The following KIF9 variants were observed in gnomAD, a reference collection of about 807,000 sequenced individuals.
KIF9 encodes the protein kinesin-like protein KIF9.
In KIF9, 68 loss-of-function variants were observed where a neutral mutation model predicts 94.8. The ratio of observed to expected loss-of-function variants is 0.72; its 90% CI spans 0.59 to 0.88. The LOEUF (loss-of-function observed/expected upper bound fraction) is 0.88, where lower values mean the gene tolerates loss of function less well. Ranked by LOEUF, KIF9 falls within the 40% of genes least tolerant of loss-of-function variation. The pLI, the probability that KIF9 is intolerant of heterozygous loss-of-function variation, is 0.00. For missense variants in KIF9, 882 were observed against 982.5 expected (o/e 0.90, Z 1.37); for synonymous variants, 343 against 362.1 (o/e 0.95, Z 0.60).
At chr3:47,250,108 A>AT (rs60741769) in intron 10 of KIF9, among the ~76,000 whole-genome samples, 145,311 of 151,770 alleles carry the variant, frequency 0.96, 69,893 homozygotes, top group East Asian at 1. Context: ...AAAATCTCTA[A>AT]TTTTTTTTCA....
chr3:47,228,327 G>A lies in KIF9; in HGVS notation c.*325C>T. ...GCCTTCCTACTTGAGACTCAGTTCTGACCTCACACATACATAGAGAATATG... is the reference window on the plus strand; with the variant it reads ...GCCTTCCTACTTGAGACTCAGTTCTAACCTCACACATACATAGAGAATATG... On this transcript the variant is annotated 3_prime_UTR_variant, in exon 21 of 21. Coordinates refer to ENST00000684063, the MANE Select transcript of KIF9 (RefSeq NM_182902.4). 4.1e-6 allele frequency: 1 copy of A among 242,070 alleles called. No individual in the cohort carries two copies. Among genetic ancestry groups the A allele is most frequent in the South Asian group, 6.5e-5 (1 of 15,494 alleles). 15.0% of individuals were successfully genotyped at this position (242,070 alleles called of 1,614,324 possible). A position where few individuals can be genotyped will look rare whatever the true frequency, so the allele number is the denominator to read the frequency against.
chr3:47,233,921 C>G (rs1205976834), intron 20 of KIF9, among the ~76,000 whole-genome samples: 1 of 152,024 alleles, frequency 6.6e-6, no homozygotes, highest in Non-Finnish European at 1.5e-5. Flanking sequence ...GAAACCCCAT[C>G]TCTACTAAAA....
At chr3:47,273,848 A>T (rs1701799286) in intron 3 of KIF9, among the ~76,000 whole-genome samples, 190 bp from the exon 4 acceptor site, 2 of 152,232 alleles carry the variant, frequency 1.3e-5, no homozygotes, top group South Asian at 2.1e-4. Context: ...AAGTGGTCAA[A>T]ACAAGGACAT....
chr3:47,264,213 C>A (rs1701151861), intron 9 of KIF9, 73 bp downstream of exon 9: 3 of 1,170,664 alleles, frequency 2.6e-6, no homozygotes. Flanking sequence ...GGGTAGCCAG[C>A]CTGGAGCCTT....
chr3:47,278,183 T>C (rs1448985680), intron 1 of KIF9, among the ~76,000 whole-genome samples: 2 of 152,188 alleles, frequency 1.3e-5, no homozygotes, highest in East Asian at 3.9e-4. Context: ...GTGATCCTCC[T>C]GCCTCAGCCT....
rs1700289629 is a variant in KIF9, at chr3:47,251,815, T to C, written c.1060-3729A>G. On this transcript the variant is annotated intron_variant, in intron 10 of 20. Transcript: ENST00000684063. ...GAGTGGAGTATACTAAGTCTCTCCCTGCTGTCTGTTTATGCCTGAGGCTCA... is the reference window on the plus strand; with the variant it reads ...GAGTGGAGTATACTAAGTCTCTCCCCGCTGTCTGTTTATGCCTGAGGCTCA... 2.0e-5 allele frequency among the ~76,000 whole-genome samples: 3 copies of C among 152,198 alleles called. No homozygotes were observed. In the South Asian group the frequency reaches 6.2e-4, roughly 32 times the overall value.
intron 16 of KIF9, among the ~76,000 whole-genome samples, chr3:47,241,767 A>G (rs1167980238): frequency 2.1e-5 from 3 of 145,760 alleles, no homozygotes; most frequent in African/African-American, 7.6e-5. Context: ...ATACATATAT[A>G]CGTATATATA....
intron 9 of KIF9, among the ~76,000 whole-genome samples, chr3:47,262,266 G>GT (rs935324740): frequency 1.3e-5 from 2 of 148,250 alleles, no homozygotes; most frequent in African/African-American, 2.6e-5. Context: ...ACCATGCGGG[G>GT]TTTTTTTGTT....
chr3:47,245,125 C>T (rs1699836671), intron 14 of KIF9: 2 of 635,088 alleles, frequency 3.1e-6, no homozygotes, highest in African/African-American at 1.8e-5. Context: ...TTTCCACATG[C>T]ACCCCCTCAC....
chr3:47,245,676 C>T (rs1442460173), intron 13 of KIF9, 165 bp from the exon 14 acceptor site: 3 of 624,246 alleles, frequency 4.8e-6, no homozygotes, highest in Admixed American at 5.4e-5. Context: ...ACTCACTTCC[C>T]CCTGCCCCAT....
chr3:47,229,180 CA>C lies in KIF9; in HGVS notation c.2323-479del, dbSNP rs1559411322. On this transcript the variant is annotated intron_variant, in intron 20 of 20. Coordinates refer to ENST00000684063, the MANE Select transcript of KIF9 (RefSeq NM_182902.4). ...GAAACAGAAACAGTGGGCTGTAAGC[CA>C]GCAAACGCTAAAACTAGCTTGGAAC... Among the ~76,000 whole-genome samples the C allele has an allele frequency of 2.6e-5, 4 of 152,310 alleles. No individual in the cohort carries two copies. The South Asian group carries it at 8.3e-4, about 32-fold the overall frequency.
At chr3:47,277,993 A>AGTGT (rs147140971) in intron 1 of KIF9, among the ~76,000 whole-genome samples, 32 of 150,192 alleles carry the variant, frequency 2.1e-4, no homozygotes, top group African/African-American at 6.3e-4. Context: ...ATTTTCTTTC[A>AGTGT]GTGTGTGTGT....
At chr3:47,262,162 A>C (rs1411135053) in intron 9 of KIF9, among the ~76,000 whole-genome samples, 1 of 152,058 alleles carries the variant, frequency 6.6e-6, no homozygotes, top group Non-Finnish European at 1.5e-5. Context: ...GGAGGTGGGG[A>C]TAAAGGGAGA....
chr3:47,264,373 G>A (rs1207517286), intron 8 of KIF9, 23 bp from the exon 9 acceptor site: 2 of 1,602,058 alleles, frequency 1.2e-6, no homozygotes, highest in Non-Finnish European at 1.7e-6. Flanking sequence ...AGACACAGAA[G>A]GGCTATGAAC....
intron 1 of KIF9, among the ~76,000 whole-genome samples, chr3:47,280,640 C>T (rs1177563134): frequency 1.3e-5 from 2 of 152,202 alleles, no homozygotes; most frequent in African/African-American, 4.8e-5. Flanking sequence ...AGTGATGGCA[C>T]ACCACTGCTC....
intron 5 of KIF9, among the ~76,000 whole-genome samples, chr3:47,269,805 C>T (rs1260103863): frequency 8.7e-6 from 1 of 115,336 alleles, no homozygotes; most frequent in Non-Finnish European, 1.7e-5. Flanking sequence ...GAGATGGAGT[C>T]TCCCTCTGTC....
chr3:47,255,974 C>G (rs971700061), intron 10 of KIF9, among the ~76,000 whole-genome samples: 8 of 152,224 alleles, frequency 5.3e-5, no homozygotes, highest in Non-Finnish European at 8.8e-5. Context: ...GTTGGCCGGG[C>G]TGGTCTCCAG....
intron 20 of KIF9, among the ~76,000 whole-genome samples, chr3:47,232,756 G>T (rs1373727549): frequency 2.0e-5 from 3 of 151,772 alleles, no homozygotes; most frequent in African/African-American, 7.3e-5. Context: ...GCCGAGGCGG[G>T]TGGATCAAGA....
In KIF9 at chr3:47,266,944, T is replaced by C. The variant is rs368114603; in HGVS notation, c.768+32A>G. ...TGCCAGAAAAAGGGCTTGTGGTTTATTGAGTAGCAACCTCCAGCCCCCATC... is the reference window on the plus strand; with the variant it reads ...TGCCAGAAAAAGGGCTTGTGGTTTACTGAGTAGCAACCTCCAGCCCCCATC... On this transcript the variant is annotated intron_variant, in intron 7 of 20. Coordinates refer to ENST00000684063, the MANE Select transcript of KIF9 (RefSeq NM_182902.4). 302 of 1,519,256 alleles carry C rather than the reference T, an allele frequency of 2.0e-4. 1 individual carries two copies. In the African/African-American group the frequency reaches 3.7e-3, roughly 19 times the overall value. The allele number at this position is 1,519,256 out of a possible 1,614,324, so 94.1% of individuals were successfully genotyped here.
Sources: gnomAD v4.1 joint callset for allele counts (sites outside exome capture counted in the v4.1 genomes callset) on GRCh38, gnomAD v4.1.1 for gene constraint, MANE v1.5 for transcripts, NCBI Gene and HGNC (gene_info 2026-07-23, HGNC 2026-07-21) for gene names.